INPP5A: variants seen among roughly 807,000 people sequenced by gnomAD.
INPP5A encodes the protein inositol polyphosphate-5-phosphatase A.
A neutral mutation model predicts 65.2 loss-of-function variants in INPP5A; 14 were observed. The observed-to-expected ratio is 0.21, with a 90% CI of 0.14 to 0.34. The LOEUF is 0.34. INPP5A is among the 10% of genes least tolerant of loss of function. The probability of loss-of-function intolerance (pLI) is 1.00; values close to 1 mark genes in which losing one functional copy is unlikely to be tolerated. For synonymous variants in INPP5A, 207 were observed against 208.3 expected (o/e 0.99, Z 0.05); for missense variants, 431 against 545.6 (o/e 0.79, Z 2.09).
intron 3 of INPP5A, among the ~76,000 whole-genome samples, chr10:132,646,964 C>T (rs991363052): frequency 1.2e-4 from 18 of 152,154 alleles, no homozygotes; most frequent in African/African-American, 3.9e-4. Context: ...AGGCTTCAGG[C>T]GATCCCAGCC....
chr10:132,687,025 A>T (rs1164847754), intron 4 of INPP5A, among the ~76,000 whole-genome samples: 2 of 152,150 alleles, frequency 1.3e-5, no homozygotes, highest in African/African-American at 4.8e-5. Flanking sequence ...GCTCACTGCA[A>T]CCTCTGCCTC....
chr10:132,708,457 G>A (rs757320659), intron 7 of INPP5A, 92 bp downstream of exon 7: 22 of 1,292,900 alleles, frequency 1.7e-5, no homozygotes, highest in Middle Eastern at 1.8e-4. Context: ...CTCATTGGAG[G>A]CTCTACTGAT....
rs1403091890 is a variant in INPP5A at position 132,651,738 on chromosome 10, G to T, written c.306+1233G>T. ...ACTCTCATTGCTGTTTGGGTTCAAGGGCCATCTCACTTGTTTGGGCATCCA... is the reference window on the plus strand; with the variant it reads ...ACTCTCATTGCTGTTTGGGTTCAAGTGCCATCTCACTTGTTTGGGCATCCA... On this transcript the variant is annotated intron_variant, in intron 4 of 15. Transcript: ENST00000368594. The surrounding 1 kb of genome is among the most constrained non-coding windows in gnomAD (Gnocchi z 5.0). 6.6e-6 allele frequency among the ~76,000 whole-genome samples: 1 copy of T among 152,198 alleles called. No homozygotes were observed. The highest frequency in any genetic ancestry group is 1.5e-5 in the Non-Finnish European group (1 of 68,030).
chr10:132,545,911 G>C lies in INPP5A; in HGVS notation c.75+7740G>C, dbSNP rs1348515769. On this transcript the variant is annotated intron_variant, in intron 1 of 15. Transcript: ENST00000368594. This position sits in a 1 kb window ranked among gnomAD's most constrained non-coding sequence, Gnocchi z 4.6. ...TGGTTGCTGCCTCCGCTCGGCCTGAGGTGATGAGAGTGTGGATGGCACCTG... is the reference window on the plus strand; with the variant it reads ...TGGTTGCTGCCTCCGCTCGGCCTGACGTGATGAGAGTGTGGATGGCACCTG... Among the ~76,000 whole-genome samples, 2 of 152,230 alleles carry C rather than the reference G, an allele frequency of 1.3e-5. No homozygotes were observed. The highest frequency in any genetic ancestry group is 4.8e-5 in the African/African-American group (2 of 41,460).
chr10:132,687,145 A>T (rs1463617776), intron 4 of INPP5A, among the ~76,000 whole-genome samples: 3 of 152,098 alleles, frequency 2.0e-5, no homozygotes, highest in Non-Finnish European at 4.4e-5. Context: ...GGGTTTCACC[A>T]TGTTGGCCAG....
Position 132,608,823 on chromosome 10 carries a change from G to A in INPP5A, c.117+867G>A, listed in dbSNP as rs2071899662. Among the ~76,000 whole-genome samples the A allele has an allele frequency of 2.0e-5, 3 of 152,196 alleles. No homozygotes were observed. The South Asian group carries it at 6.2e-4, about 31-fold the overall frequency. On this transcript the variant is annotated intron_variant, in intron 2 of 15. Coordinates refer to ENST00000368594, the MANE Select transcript of INPP5A (RefSeq NM_005539.5). Reference sequence around the variant, plus strand: ...GTGTTTGGCTGCTGATTGGAGATGGGCTGGGGAGGCCAGAGTGGAGGCCCA... The same window carrying A: ...GTGTTTGGCTGCTGATTGGAGATGGACTGGGGAGGCCAGAGTGGAGGCCCA...
At chr10:132,667,183 CA>C (rs914356461) in intron 4 of INPP5A, among the ~76,000 whole-genome samples, 3 of 152,218 alleles carry the variant, frequency 2.0e-5, no homozygotes, top group Non-Finnish European at 1.5e-5. Context: ...CTCAGGACAG[CA>C]GACGTTTCCA....
intron 2 of INPP5A, among the ~76,000 whole-genome samples, 198 bp from the exon 3 acceptor site, chr10:132,645,670 C>G (rs2072484026): frequency 6.6e-6 from 1 of 152,156 alleles, no homozygotes; most frequent in Non-Finnish European, 1.5e-5. Flanking sequence ...ATGAAAAGCA[C>G]TGGAAATATA....
At chr10:132,597,867 T>C (rs2493900) in intron 1 of INPP5A, among the ~76,000 whole-genome samples, 36,294 of 115,974 alleles carry the variant, frequency 0.31, 5,160 homozygotes, top group East Asian at 0.54. Flanking sequence ...TGACTCTGGG[T>C]CTGTGGTGCG....
chr10:132,557,935 G>A (rs1357064040), intron 1 of INPP5A, among the ~76,000 whole-genome samples: 3 of 152,200 alleles, frequency 2.0e-5, no homozygotes, highest in Admixed American at 6.5e-5. Context: ...TCTGTCCCGC[G>A]TGCCCGCCTC....
intron 4 of INPP5A, among the ~76,000 whole-genome samples, chr10:132,662,113 C>T (rs745651304): frequency 1.3e-5 from 2 of 152,140 alleles, no homozygotes; most frequent in Non-Finnish European, 2.9e-5. Context: ...AAAGCAGAAA[C>T]CACTATAAGA....
chr10:132,595,183 C>T (rs767579669), intron 1 of INPP5A, among the ~76,000 whole-genome samples: 32 of 152,310 alleles, frequency 2.1e-4, no homozygotes, highest in African/African-American at 4.8e-4. Flanking sequence ...GGAGTCCCCG[C>T]GGACCCTCAG....
At chr10:132,725,985 T>C (rs767703099) in intron 8 of INPP5A, among the ~76,000 whole-genome samples, 3 of 152,072 alleles carry the variant, frequency 2.0e-5, no homozygotes, top group Non-Finnish European at 2.9e-5. Context: ...GTTGAGTGCC[T>C]TGCCCTCCTC....
Position 132,749,802 on chromosome 10 carries a change from A to T in INPP5A, c.860A>T (p.Asp287Val). The T allele has an allele frequency of 6.2e-7, 1 of 1,613,254 alleles. No homozygotes were observed. Among genetic ancestry groups the T allele is most frequent in the Non-Finnish European group, 8.5e-7 (1 of 1,180,010 alleles). The change falls in exon 11 of 16, where the codon GAC (aspartate) becomes GTC (valine). Residue 287 changes from aspartate (D) to valine (V), a missense_variant. By Grantham distance (152) the Asp-to-Val change is radical. Transcript: ENST00000368594. ...VMLQLEKKLF[D>V]YFNQEVFRDN... ...CTCCAGTTAGAAAAGAAACTCTTCG[A>T]CTACTTCAACCAGGAGGTTTTCCGA... is the stretch of plus-strand genomic sequence containing the variant.
At chr10:132,719,683 C>T (rs961266206) in intron 8 of INPP5A, among the ~76,000 whole-genome samples, 1 of 149,454 alleles carries the variant, frequency 6.7e-6, no homozygotes, top group Non-Finnish European at 1.5e-5. Flanking sequence ...AGACGGCTGT[C>T]TTGCAGGTTC....
At position 132,644,578 on chromosome 10, in the gene INPP5A, G is replaced by GT. The variant is rs2072468753; in HGVS notation, c.118-1289dup. Among the ~76,000 whole-genome samples, 1 of 152,226 alleles carries GT rather than the reference G, an allele frequency of 6.6e-6. No individual in the cohort carries two copies. The highest frequency in any genetic ancestry group is 6.5e-5 in the Admixed American group (1 of 15,288). ...CCTGGCTCACAGTGAGTGCCGTGTCGTCGTGAGCACCTCCAGGCTCCCAAG... is the reference window on the plus strand; with the variant it reads ...CCTGGCTCACAGTGAGTGCCGTGTCGTTCGTGAGCACCTCCAGGCTCCCAAG... On this transcript the variant is annotated intron_variant, in intron 2 of 15. Transcript: ENST00000368594. The surrounding 1 kb of genome is among the most constrained non-coding windows in gnomAD (Gnocchi z 6.5).
At chr10:132,556,201 C>T (rs1478827858) in intron 1 of INPP5A, among the ~76,000 whole-genome samples, 1 of 152,202 alleles carries the variant, frequency 6.6e-6, no homozygotes, top group African/African-American at 2.4e-5. Flanking sequence ...CCACCTGTGT[C>T]CTCCTGTGGC....
chr10:132,655,275 C>T (rs2072640203), intron 4 of INPP5A, among the ~76,000 whole-genome samples: 1 of 152,228 alleles, frequency 6.6e-6, no homozygotes, highest in Admixed American at 6.5e-5. Context: ...AACACATGTC[C>T]ACCCACAGCA....
chr10:132,743,872 A>G (rs1235354466), intron 9 of INPP5A, among the ~76,000 whole-genome samples: 1 of 152,246 alleles, frequency 6.6e-6, no homozygotes, highest in African/African-American at 2.4e-5. Flanking sequence ...GGCTGGGGCC[A>G]CATCTGAGCC....
Sources: allele counts gnomAD v4.1 joint callset (sites outside exome capture counted in the v4.1 genomes callset), GRCh38; gene constraint gnomAD v4.1.1; non-coding constraint Gnocchi (gnomAD v3.1); transcripts MANE v1.5; gene names NCBI Gene and HGNC (gene_info 2026-07-23, HGNC 2026-07-21).